The following TOPAZ1 variants were observed in gnomAD, a reference collection of about 807,000 sequenced individuals.
The protein encoded by TOPAZ1 is testis and ovary specific TOPAZ 1.
Under a neutral mutation model 172.2 loss-of-function variants are expected in TOPAZ1, and 66 were observed. That is an observed-to-expected ratio of 0.38 (90% CI 0.31 to 0.47). TOPAZ1 has a LOEUF of 0.47. Among genes scored for constraint, TOPAZ1 ranks in the 20% least tolerant of loss-of-function variants. The pLI is 0.99. For synonymous variants in TOPAZ1, 681 were observed against 683.9 expected (o/e 1.00, Z 0.07); for missense variants, 1,822 against 1,972.4 (o/e 0.92, Z 1.44).
At chr3:44,319,334 A>G (rs1700485281) in intron 16 of TOPAZ1, among the ~76,000 whole-genome samples, 1 of 152,230 alleles carries the variant, frequency 6.6e-6, no homozygotes. Context: ...AAAATTTTAA[A>G]TGAATCTCCT....
intron 16 of TOPAZ1, among the ~76,000 whole-genome samples, chr3:44,318,884 C>A (rs894990091): frequency 9.5e-5 from 14 of 148,020 alleles, no homozygotes; most frequent in Admixed American, 4.7e-4. Flanking sequence ...ATATAGTTTT[C>A]TTTTGTTAAT....
chr3:44,301,379 A>G (rs1277223499), intron 12 of TOPAZ1, among the ~76,000 whole-genome samples: 4 of 152,192 alleles, frequency 2.6e-5, no homozygotes, highest in African/African-American at 4.8e-5. Context: ...AAAAGTCAAA[A>G]AATTGTGAAG....
intron 12 of TOPAZ1, among the ~76,000 whole-genome samples, chr3:44,302,579 G>A (rs998923359): frequency 5.9e-5 from 9 of 152,112 alleles, no homozygotes; most frequent in African/African-American, 2.2e-4. Context: ...TATAGTAACT[G>A]TAGAAGCTTT....
At position 44,304,096 on chromosome 3, in the gene TOPAZ1, A is replaced by C; in HGVS notation, c.3864+15A>C. ...ATAAATTAGAGGTATGACATTTATT[A>C]TTTTAAATACATTGCTGGGATCTCT... On this transcript the variant is annotated intron_variant, in intron 13 of 19. Transcript: ENST00000309765. The C allele has an allele frequency of 1.4e-6, 2 of 1,398,552 alleles. No individual in the cohort carries two copies. The highest frequency in any genetic ancestry group is 2.9e-5 in the African/African-American group (2 of 69,478). The allele number at this position is 1,398,552 out of a possible 1,614,324, so 86.6% of individuals were successfully genotyped here.
intron 12 of TOPAZ1, among the ~76,000 whole-genome samples, chr3:44,302,211 C>A (rs1229013307): frequency 6.6e-6 from 1 of 152,104 alleles, no homozygotes; most frequent in South Asian, 2.1e-4. Context: ...GAGATAGAGA[C>A]CATTCTGGCT....
At chr3:44,249,253 AGTGGGGGACTAAT>A (rs1699601646) in intron 2 of TOPAZ1, among the ~76,000 whole-genome samples, 1 of 143,606 alleles carries the variant, frequency 7.0e-6, no homozygotes, top group Admixed American at 7.0e-5. Context: ...AAGGGGGAGG[AGTGGGGGACTAAT>A]GTGTTTTAAA....
At chr3:44,314,774 C>G (rs979810829) in intron 16 of TOPAZ1, among the ~76,000 whole-genome samples, 7 of 152,112 alleles carry the variant, frequency 4.6e-5, no homozygotes, top group African/African-American at 1.7e-4. Flanking sequence ...ACACATATTG[C>G]TGGACCCACC....
intron 19 of TOPAZ1, 89 bp downstream of exon 19, chr3:44,328,522 T>C: frequency 1.6e-6 from 1 of 626,680 alleles, no homozygotes; most frequent in Non-Finnish European, 2.6e-6. Flanking sequence ...TGTGTTTTTA[T>C]ACATACATAT....
Position 44,241,934 on chromosome 3 carries a change from A to G in TOPAZ1, c.-120A>G. 2 of 934,042 alleles carry G rather than the reference A, an allele frequency of 2.1e-6. No individual in the cohort carries two copies. The highest frequency in any genetic ancestry group is 1.6e-6 in the Non-Finnish European group (1 of 641,020). The allele number at this position is 934,042 out of a possible 1,614,324, so 57.9% of individuals were successfully genotyped here. A position where few individuals can be genotyped will look rare whatever the true frequency, so the allele number is the denominator to read the frequency against. ...CCGCTTCCGGCCCCGGGCTGTGGTG[A>G]CTGGCGGTGTGGGGTGGGTCAGAGG... On this transcript the variant is annotated 5_prime_UTR_variant, in exon 1 of 20. Transcript: ENST00000309765.
Position 44,244,356 on chromosome 3 carries a change from A to G in TOPAZ1, c.1850A>G (p.Gln617Arg). The G allele has an allele frequency of 6.4e-7, 1 of 1,550,916 alleles. No homozygotes were observed. The highest frequency in any genetic ancestry group is 8.7e-7 in the Non-Finnish European group (1 of 1,146,760). ...EVISNTTEDT[Q>R]LTSETQSLTG... Reference sequence around the variant, plus strand: ...ATTTCTAACACTACTGAAGATACTCAATTAACCAGTGAGACTCAAAGCTTA... The same window carrying G: ...ATTTCTAACACTACTGAAGATACTCGATTAACCAGTGAGACTCAAAGCTTA... The change falls in exon 2 of 20, where the codon CAA (glutamine) becomes CGA (arginine). Residue 617 changes from glutamine (Q) to arginine (R), a missense_variant. This residue lies in a region of TOPAZ1 where 1,489 missense variants were observed against 1,490.8 expected (regional missense o/e 1.00). Transcript: ENST00000309765.
Position 44,328,394 on chromosome 3 carries a change from CT to C in TOPAZ1, c.4821del (p.Gly1608GlufsTer9). On this transcript the variant is annotated frameshift_variant, in exon 19 of 20. Coordinates refer to ENST00000309765, the MANE Select transcript of TOPAZ1 (RefSeq NM_001145030.2). LOFTEE classifies it high-confidence loss of function. ...TCTAATGCTAGTAGTATTCAGAGTC[CT>C]GGAACTTCTACACAGATACTGCAGA... ...MVSNASSIQS[P>X]GTSTQILQIV... is the part of the protein sequence containing the mutation. 2 of 1,521,216 alleles carry C rather than the reference CT, an allele frequency of 1.3e-6. No homozygotes were observed. Among genetic ancestry groups the C allele is most frequent in the Admixed American group, 2.3e-5 (1 of 43,180 alleles). The allele number at this position is 1,521,216 out of a possible 1,614,324, so 94.2% of individuals were successfully genotyped here.
intron 3 of TOPAZ1, 129 bp downstream of exon 3, chr3:44,255,158 T>C: frequency 1.8e-6 from 1 of 542,218 alleles, no homozygotes; most frequent in Admixed American, 3.3e-5. Flanking sequence ...ATATGTTTTA[T>C]AGTTTGTCAA....
chr3:44,322,625 G>A (rs1700553111), intron 17 of TOPAZ1, among the ~76,000 whole-genome samples: 1 of 152,212 alleles, frequency 6.6e-6, no homozygotes, highest in Non-Finnish European at 1.5e-5. Context: ...CACTTTGGGA[G>A]GCTGAGGCAG....
chr3:44,264,388 A>G (rs914619983), intron 5 of TOPAZ1, among the ~76,000 whole-genome samples: 2 of 152,268 alleles, frequency 1.3e-5, no homozygotes, highest in African/African-American at 4.8e-5. Context: ...ACTGTACTTT[A>G]GTCTATTAAG....
chr3:44,329,586 A>G (rs566837093), intron 19 of TOPAZ1, among the ~76,000 whole-genome samples: 1 of 152,334 alleles, frequency 6.6e-6, no homozygotes, highest in Non-Finnish European at 1.5e-5. Context: ...GCTACAAGCT[A>G]ACCTGCCACA....
Position 44,332,024 on chromosome 3 carries a change from GC to G in TOPAZ1, c.*14del. 1.4e-6 allele frequency: 2 copies of G among 1,437,908 alleles called. No homozygotes were observed. The highest frequency in any genetic ancestry group is 1.9e-6 in the Non-Finnish European group (2 of 1,080,944). The allele number at this position is 1,437,908 out of a possible 1,614,324, so 89.1% of individuals were successfully genotyped here. ...CAGTAACCATTAGCTAATAAAGTCT[GC>G]TTTTTTTTTTTTTTTAGTTCAAGTA... On this transcript the variant is annotated 3_prime_UTR_variant, in exon 20 of 20. Coordinates refer to ENST00000309765, the MANE Select transcript of TOPAZ1 (RefSeq NM_001145030.2).
chr3:44,333,426 T>G (rs1700691734), downstream of TOPAZ1, among the ~76,000 whole-genome samples: 1 of 152,124 alleles, frequency 6.6e-6, no homozygotes, highest in African/African-American at 2.4e-5. Context: ...GAGGCACCTT[T>G]GAAAACAAGG....
chr3:44,324,421 A>G (rs764313712), intron 18 of TOPAZ1, among the ~76,000 whole-genome samples: 14 of 151,768 alleles, frequency 9.2e-5, no homozygotes, highest in Non-Finnish European at 1.5e-5. Context: ...ACACACATAT[A>G]TGTGTGTGTG....
chr3:44,272,064 G>C (rs1699905017), intron 8 of TOPAZ1, among the ~76,000 whole-genome samples: 1 of 152,016 alleles, frequency 6.6e-6, no homozygotes, highest in Non-Finnish European at 1.5e-5. Flanking sequence ...CTGTGTTATG[G>C]TGACAAAACT....
Sources: gnomAD v4.1 joint callset for allele counts (sites outside exome capture counted in the v4.1 genomes callset) on GRCh38, gnomAD v4.1.1 for gene constraint, gnomAD v4.1.1 regional missense constraint, MANE v1.5 for transcripts, NCBI Gene and HGNC (gene_info 2026-07-23, HGNC 2026-07-21) for gene names.